KLF12: variants seen among roughly 807,000 people sequenced by gnomAD.
KLF12 encodes Krueppel-like factor 12.
Under a neutral mutation model 37.8 loss-of-function variants are expected in KLF12, and 9 were observed. The ratio of observed to expected loss-of-function variants is 0.24; its 90% CI spans 0.14 to 0.42. The LOEUF (loss-of-function observed/expected upper bound fraction) is 0.42, where lower values mean the gene tolerates loss of function less well. KLF12 is among the 10% of genes least tolerant of loss of function. The pLI is 1.00. For missense variants in KLF12, 411 were observed against 516.0 expected (o/e 0.80, Z 1.97); for synonymous variants, 208 against 202.1 (o/e 1.03, Z -0.25).
chr13:74,062,472 G>C (rs1335503112), intron 1 of KLF12, among the ~76,000 whole-genome samples: 1 of 150,450 alleles, frequency 6.6e-6, no homozygotes, highest in Non-Finnish European at 1.5e-5. Context: ...AGCATCTTTA[G>C]TGACTGAGCC....
At chr13:74,240,763 C>T in the KLF12 span, among the ~76,000 whole-genome samples, 2 of 133,092 alleles carry the variant, frequency 1.5e-5, no homozygotes, top group African/African-American at 5.7e-5. Context: ...GCATTCTTCA[C>T]GTAGTTCTCG....
intron 5 of KLF12, among the ~76,000 whole-genome samples, chr13:73,808,031 C>G (rs1478166997): frequency 6.6e-6 from 1 of 152,120 alleles, no homozygotes; most frequent in African/African-American, 2.4e-5. Context: ...CTAAACTTCA[C>G]CTATTGAAAA....
chr13:73,728,811 A>G (rs1295468531), intron 6 of KLF12, among the ~76,000 whole-genome samples: 4 of 152,092 alleles, frequency 2.6e-5, no homozygotes, highest in Non-Finnish European at 4.4e-5. Flanking sequence ...TTTGCTTGTA[A>G]TTTGTTGAAG....
chr13:74,093,490 C>T (rs1280472658), intron 1 of KLF12, among the ~76,000 whole-genome samples: 2 of 151,986 alleles, frequency 1.3e-5, no homozygotes, highest in African/African-American at 2.4e-5. Flanking sequence ...AAATACAGAG[C>T]TCATAGAATT....
chr13:73,730,361 A>G (rs1234643934), intron 6 of KLF12, among the ~76,000 whole-genome samples: 1 of 152,116 alleles, frequency 6.6e-6, no homozygotes, highest in Non-Finnish European at 1.5e-5. Flanking sequence ...TTGCCCTCCA[A>G]AAACCTTGGT....
the KLF12 span, among the ~76,000 whole-genome samples, chr13:74,235,819 C>A: frequency 6.6e-6 from 1 of 152,048 alleles, no homozygotes; most frequent in Admixed American, 6.5e-5. Flanking sequence ...TTCATAATAA[C>A]ATATATGACA....
intron 1 of KLF12, among the ~76,000 whole-genome samples, chr13:74,064,733 C>T (rs1398468339): frequency 1.3e-5 from 2 of 152,172 alleles, no homozygotes; most frequent in Non-Finnish European, 2.9e-5. Context: ...GTTTGTGATG[C>T]TGACTGTACT....
At chr13:74,231,199 T>C in the KLF12 span, among the ~76,000 whole-genome samples, 1 of 146,150 alleles carries the variant, frequency 6.8e-6, no homozygotes, top group Non-Finnish European at 1.5e-5. Flanking sequence ...TCAGGGACCA[T>C]GTCATTTTTT....
chr13:74,003,866 A>G (rs923697134), intron 1 of KLF12, among the ~76,000 whole-genome samples: 3 of 152,208 alleles, frequency 2.0e-5, no homozygotes, highest in Admixed American at 1.3e-4. Context: ...AAAATATTGT[A>G]GCAGCCAAGG....
At chr13:74,176,376 C>T in the KLF12 span, among the ~76,000 whole-genome samples, 1 of 152,112 alleles carries the variant, frequency 6.6e-6, no homozygotes, top group East Asian at 1.9e-4. Flanking sequence ...TTCTCTTTAC[C>T]CCAGGTCTAG....
intron 1 of KLF12, among the ~76,000 whole-genome samples, chr13:74,072,364 A>AATATATATATAT (rs773653636): frequency 0.019 from 1,192 of 62,802 alleles, 35 homozygotes; most frequent in Middle Eastern, 0.041. Flanking sequence ...AAGAAATACA[A>AATATATATATAT]ATATATATAT....
At chr13:74,246,482 A>G in the KLF12 span, among the ~76,000 whole-genome samples, 1 of 152,228 alleles carries the variant, frequency 6.6e-6, no homozygotes, top group Admixed American at 6.5e-5. Context: ...TAGGTTGAAT[A>G]AGGCAGCATT....
chr13:73,766,857 A>C (rs1879949459), intron 5 of KLF12, among the ~76,000 whole-genome samples: 1 of 152,176 alleles, frequency 6.6e-6, no homozygotes, highest in South Asian at 2.1e-4. Context: ...CATAATTACA[A>C]CATTGTCTAG....
At chr13:74,301,752 C>CT in the KLF12 span, among the ~76,000 whole-genome samples, 1 of 152,234 alleles carries the variant, frequency 6.6e-6, no homozygotes, top group South Asian at 2.1e-4. Flanking sequence ...CAGGGAGCAT[C>CT]TGTGGAGACT....
intron 2 of KLF12, among the ~76,000 whole-genome samples, chr13:73,966,953 C>A (rs1358743422): frequency 6.6e-6 from 1 of 152,118 alleles, no homozygotes; most frequent in Non-Finnish European, 1.5e-5. Flanking sequence ...TGCATATTGA[C>A]CTGTAAGTTT....
chr13:74,125,356 T>C lies in KLF12; in HGVS notation c.-32+8383A>G, dbSNP rs372037873. Among the ~76,000 whole-genome samples, 215 of 152,270 alleles carry C rather than the reference T, an allele frequency of 1.4e-3. 1 individual carries two copies. The highest frequency in any genetic ancestry group is 4.3e-3 in the African/African-American group (180 of 41,528). On this transcript the variant is annotated intron_variant, in intron 1 of 7. Transcript: ENST00000377669. ...CAACTTACAGCACTTGGTCCATTTATCACAAATTACCTTACATTATAATGT... is the reference window on the plus strand; with the variant it reads ...CAACTTACAGCACTTGGTCCATTTACCACAAATTACCTTACATTATAATGT...
chr13:74,145,748 CAT>C, the KLF12 span, among the ~76,000 whole-genome samples: 1 of 152,102 alleles, frequency 6.6e-6, no homozygotes, highest in African/African-American at 2.4e-5. Context: ...AGAAAGGAGA[CAT>C]GTAATTCTCT....
the KLF12 span, among the ~76,000 whole-genome samples, chr13:74,283,958 C>G: frequency 6.6e-6 from 1 of 151,130 alleles, no homozygotes; most frequent in Non-Finnish European, 1.5e-5. Context: ...CTCCTGGGTT[C>G]ATGCCATTCT....
chr13:74,293,630 A>T, the KLF12 span, among the ~76,000 whole-genome samples: 2 of 152,200 alleles, frequency 1.3e-5, no homozygotes, highest in Non-Finnish European at 2.9e-5. Context: ...TAACTGAAGG[A>T]CTATATAAGA....
Sources: gnomAD v4.1 joint callset for allele counts (sites outside exome capture counted in the v4.1 genomes callset) on GRCh38, gnomAD v4.1.1 for gene constraint, MANE v1.5 for transcripts, NCBI Gene and HGNC (gene_info 2026-07-23, HGNC 2026-07-21) for gene names.